C1orf105: variants seen among roughly 807,000 people sequenced by gnomAD.
C1orf105 encodes the protein chromosome 1 open reading frame 105.
In C1orf105, 17 loss-of-function variants were observed where a neutral mutation model predicts 20.8. The ratio of observed to expected loss-of-function variants is 0.82; its 90% CI spans 0.56 to 1.23. The LOEUF is 1.23. C1orf105 is among the 50% of genes most tolerant of loss of function. C1orf105 has a pLI of 0.00. For missense variants in C1orf105, 219 were observed against 213.5 expected, an observed-to-expected ratio of 1.03 and a Z score of -0.16; for synonymous variants, 72 against 72.1, an observed-to-expected ratio of 1.00 and a Z score of 0.01.
chr1:172,420,749 C>T lies in C1orf105; in HGVS notation c.-137C>T, dbSNP rs1241458853. The T allele has an allele frequency of 2.7e-6, 2 of 750,256 alleles. No individual in the cohort carries two copies. Among genetic ancestry groups the T allele is most frequent in the African/African-American group, 3.6e-5 (2 of 55,714 alleles). 46.5% of individuals were successfully genotyped at this position (750,256 alleles called of 1,614,324 possible). A position where few individuals can be genotyped will look rare whatever the true frequency, so the allele number is the denominator to read the frequency against. ...TACTGGTATTGAAACTGTAAACTGG[C>T]CTGTTTACTTCGTCTCCTAACAAAA... On this transcript the variant is annotated 5_prime_UTR_variant, in exon 1 of 7. Coordinates refer to ENST00000367727, the MANE Select transcript of C1orf105 (RefSeq NM_139240.4).
chr1:172,445,554 T>C (rs1244314903), intron 2 of C1orf105, among the ~76,000 whole-genome samples: 1 of 152,246 alleles, frequency 6.6e-6, no homozygotes, highest in Non-Finnish European at 1.5e-5. Flanking sequence ...AGTAACTCTG[T>C]ATGTAACTTT....
intron 6 of C1orf105, among the ~76,000 whole-genome samples, chr1:172,467,633 G>A (rs112025981): frequency 2.0e-5 from 3 of 152,154 alleles, no homozygotes; most frequent in African/African-American, 7.2e-5. Context: ...ACCTTGGACT[G>A]CTGTTCCCTC....
intron 2 of C1orf105, among the ~76,000 whole-genome samples, chr1:172,447,386 C>CAGGT (rs1277023808): frequency 1.3e-5 from 2 of 152,232 alleles, no homozygotes; most frequent in African/African-American, 4.8e-5. Context: ...AGGACTCTCT[C>CAGGT]AGGTAGGCCT....
intron 3 of C1orf105, among the ~76,000 whole-genome samples, chr1:172,449,337 C>G (rs1573870662): frequency 6.6e-6 from 1 of 152,250 alleles, no homozygotes; most frequent in Admixed American, 6.5e-5. Context: ...GTCTCAGAAA[C>G]AGGGCACAGC....
At chr1:172,461,997 CA>C (rs1649728945) in intron 4 of C1orf105, among the ~76,000 whole-genome samples, 180 bp from the exon 5 acceptor site, 1 of 152,160 alleles carries the variant, frequency 6.6e-6, no homozygotes, top group African/African-American at 2.4e-5. Context: ...AACTGATATC[CA>C]GGGAAAAACA....
rs553763096 is a variant in C1orf105 at position 172,456,505 on chromosome 1, G to C, written c.273+16G>C. Reference sequence around the variant, plus strand: ...AATGAAAATGGTAGGCAAGGGGGAAGACAGAAATGGGCACAGGCATCTCAG... The same window carrying C: ...AATGAAAATGGTAGGCAAGGGGGAACACAGAAATGGGCACAGGCATCTCAG... On this transcript the variant is annotated intron_variant, in intron 4 of 6. Coordinates refer to ENST00000367727, the MANE Select transcript of C1orf105 (RefSeq NM_139240.4). 7.5e-6 allele frequency: 12 copies of C among 1,610,312 alleles called. No individual in the cohort carries two copies. Among genetic ancestry groups the C allele is most frequent in the Non-Finnish European group, 1.0e-5 (12 of 1,178,230 alleles).
chr1:172,430,526 G>A (rs1046356800), intron 1 of C1orf105, among the ~76,000 whole-genome samples: 36 of 152,002 alleles, frequency 2.4e-4, no homozygotes, highest in South Asian at 2.1e-3. Context: ...CTGCATTCTC[G>A]ACCTCCTGGG....
intron 1 of C1orf105, among the ~76,000 whole-genome samples, chr1:172,437,760 A>AATAATAAT (rs2072089949): frequency 1.6e-5 from 2 of 127,726 alleles, no homozygotes; most frequent in Non-Finnish European, 3.5e-5. Flanking sequence ...ATAATAATAA[A>AATAATAAT]CAAAACGATT....
chr1:172,458,215 A>G (rs533174244), intron 4 of C1orf105, among the ~76,000 whole-genome samples: 5 of 152,232 alleles, frequency 3.3e-5, no homozygotes, highest in Admixed American at 6.5e-5. Flanking sequence ...TTTACTATAC[A>G]TTCTAGCCAG....
At chr1:172,444,264 G>A (rs1454343291) in intron 1 of C1orf105, 5 of 985,356 alleles carry the variant, frequency 5.1e-6, no homozygotes, top group Non-Finnish European at 6.0e-6. Context: ...TGAAAGATGG[G>A]ATGTGCCATC....
At position 172,420,734 on chromosome 1, in the gene C1orf105, G is replaced by A. The variant is rs2149151160; in HGVS notation, c.-152G>A. ...GTAGAGAAAAAGGCATACTGGTATT[G>A]AAACTGTAAACTGGCCTGTTTACTT... On this transcript the variant is annotated 5_prime_UTR_variant, in exon 1 of 7. An upstream open reading frame in the 5' UTR loses its in-frame stop. Coordinates refer to ENST00000367727, the MANE Select transcript of C1orf105 (RefSeq NM_139240.4). 1.5e-6 allele frequency: 1 copy of A among 680,162 alleles called. No homozygotes were observed. The highest frequency in any genetic ancestry group is 2.8e-5 in the East Asian group (1 of 35,384). The allele number at this position is 680,162 out of a possible 1,614,324, so 42.1% of individuals were successfully genotyped here.
chr1:172,447,295 G>A (rs113574354), intron 2 of C1orf105, among the ~76,000 whole-genome samples: 2,231 of 152,252 alleles, frequency 0.015, 56 homozygotes, highest in African/African-American at 0.051. Flanking sequence ...CCAAGTGTGC[G>A]CAATGGAAAC....
chr1:172,463,030 G>C (rs1225665888), intron 5 of C1orf105, among the ~76,000 whole-genome samples: 1 of 152,080 alleles, frequency 6.6e-6, no homozygotes, highest in Admixed American at 6.5e-5. Flanking sequence ...GCCCGCCTCG[G>C]CCTCCCAAAT....
At chr1:172,422,742 G>A (rs1283687592) in intron 1 of C1orf105, among the ~76,000 whole-genome samples, 1 of 140,488 alleles carries the variant, frequency 7.1e-6, no homozygotes, top group Non-Finnish European at 1.6e-5. Context: ...TTCTAGGCCA[G>A]AGAGGAGCCC....
At chr1:172,440,600 C>A (rs1338970331) in intron 1 of C1orf105, among the ~76,000 whole-genome samples, 2 of 152,122 alleles carry the variant, frequency 1.3e-5, no homozygotes, top group Non-Finnish European at 2.9e-5. Flanking sequence ...AATTCATAGC[C>A]CTCAAATTGC....
At chr1:172,464,746 T>C (rs1573896647) in intron 5 of C1orf105, among the ~76,000 whole-genome samples, 1 of 152,018 alleles carries the variant, frequency 6.6e-6, no homozygotes, top group East Asian at 1.9e-4. Context: ...AAAATGAAGG[T>C]TTTATCAAAA....
At chr1:172,428,821 T>G (rs2071788619) in intron 1 of C1orf105, 2 of 698,958 alleles carry the variant, frequency 2.9e-6, no homozygotes. Flanking sequence ...AGAACAGTAT[T>G]TGTCATACAG....
At chr1:172,454,611 G>A (rs1649032828) in intron 3 of C1orf105, among the ~76,000 whole-genome samples, 1 of 152,056 alleles carries the variant, frequency 6.6e-6, no homozygotes, top group Non-Finnish European at 1.5e-5. Context: ...TGATTTGCTA[G>A]ATTATTCTTC....
At chr1:172,459,388 A>C (rs1033782820) in intron 4 of C1orf105, among the ~76,000 whole-genome samples, 83 of 152,316 alleles carry the variant, frequency 5.4e-4, no homozygotes, top group Non-Finnish European at 3.1e-4. Context: ...AAAAAGTTTC[A>C]ATAGACATTC....
Sources: gnomAD v4.1 joint callset for allele counts (sites outside exome capture counted in the v4.1 genomes callset) on GRCh38, gnomAD v4.1.1 for gene constraint, MANE v1.5 for transcripts, NCBI Gene and HGNC (gene_info 2026-07-23, HGNC 2026-07-21) for gene names.